The following HABP4 variants were observed in gnomAD, a reference collection of about 807,000 sequenced individuals.
The protein encoded by HABP4 is hyaluronan binding protein 4.
In HABP4, 32 loss-of-function variants were observed where a neutral mutation model predicts 44.1. That is an observed-to-expected ratio of 0.73 (90% CI 0.55 to 0.97). HABP4 has a LOEUF of 0.97. Ranked by LOEUF, HABP4 falls within the 50% of genes least tolerant of loss-of-function variation. HABP4 has a pLI of 0.00. For missense variants in HABP4, 503 were observed against 561.9 expected (o/e 0.90, Z 1.06); for synonymous variants, 216 against 218.0 (o/e 0.99, Z 0.08).
chr9:96,457,863 C>T (rs1832422294), intron 1 of HABP4, among the ~76,000 whole-genome samples: 1 of 152,076 alleles, frequency 6.6e-6, no homozygotes, highest in Non-Finnish European at 1.5e-5. Flanking sequence ...CAGAGCAAGA[C>T]TCTGTCTCAA....
intron 1 of HABP4, among the ~76,000 whole-genome samples, chr9:96,456,041 C>T (rs573327677): frequency 3.3e-5 from 5 of 151,896 alleles, no homozygotes; most frequent in Non-Finnish European, 4.4e-5. Context: ...GGTGACAGAG[C>T]GAGACTCTGT....
chr9:96,452,922 T>TG (rs1469428075), intron 1 of HABP4, among the ~76,000 whole-genome samples: 2 of 143,466 alleles, frequency 1.4e-5, no homozygotes, highest in South Asian at 2.2e-4. Flanking sequence ...TTTTTTTTTT[T>TG]TTTTTTTTTT....
chr9:96,481,906 T>C (rs1832885982), intron 5 of HABP4, among the ~76,000 whole-genome samples: 1 of 152,068 alleles, frequency 6.6e-6, no homozygotes, highest in Non-Finnish European at 1.5e-5. Context: ...ATTCATATTG[T>C]GTGTAACCAT....
In HABP4 at chr9:96,488,002, C is replaced by A; in HGVS notation, c.1000-87C>A. 2 of 905,738 alleles carry A rather than the reference C, an allele frequency of 2.2e-6. No homozygotes were observed. The highest frequency in any genetic ancestry group is 3.6e-6 in the Non-Finnish European group (2 of 554,922). The allele number at this position is 905,738 out of a possible 1,614,324, so 56.1% of individuals were successfully genotyped here. On this transcript the variant is annotated intron_variant, in intron 6 of 7. Coordinates refer to ENST00000375249, the MANE Select transcript of HABP4 (RefSeq NM_014282.4). This position sits in a 1 kb window ranked among gnomAD's most constrained non-coding sequence, Gnocchi z 4.6. ...CTAGCCCCTGATGGTGTTTTAGCTCCTGTGTAGCACACTGCAGCCACTAAG... is the reference window on the plus strand; with the variant it reads ...CTAGCCCCTGATGGTGTTTTAGCTCATGTGTAGCACACTGCAGCCACTAAG...
chr9:96,474,883 C>T (rs1328352349), intron 5 of HABP4, among the ~76,000 whole-genome samples: 2 of 152,142 alleles, frequency 1.3e-5, no homozygotes, highest in Admixed American at 6.6e-5. Flanking sequence ...AATGTACTCT[C>T]ACTTATGTTC....
chr9:96,488,761 A>G lies in HABP4; in HGVS notation c.1185+487A>G, dbSNP rs532713643. ...TAGCTCTCAACACAGCACGCTCCTT[A>G]CCCCTGGCCTCTGCCTGCTGGCCTC... On this transcript the variant is annotated intron_variant, in intron 7 of 7. Transcript: ENST00000375249. The surrounding 1 kb of genome is among the most constrained non-coding windows in gnomAD (Gnocchi z 4.6). 6.6e-6 allele frequency among the ~76,000 whole-genome samples: 1 copy of G among 151,808 alleles called. No homozygotes were observed. The highest frequency in any genetic ancestry group is 1.5e-5 in the Non-Finnish European group (1 of 67,966).
intron 4 of HABP4, among the ~76,000 whole-genome samples, chr9:96,468,068 C>A (rs1460157962): frequency 2.0e-5 from 3 of 152,060 alleles, no homozygotes; most frequent in Non-Finnish European, 4.4e-5. Context: ...GTTATAAAGT[C>A]AAAGCTCTTT....
In HABP4 at chr9:96,473,818, G is replaced by A. The variant is rs373359024; in HGVS notation, c.827+2724G>A. ...AACCCCCTTTACTCTTCGCCTATCT[G>A]TCTCTTACTCATCCTTCAGCTGCCA... On this transcript the variant is annotated intron_variant, in intron 5 of 7. Coordinates refer to ENST00000375249, the MANE Select transcript of HABP4 (RefSeq NM_014282.4). Among the ~76,000 whole-genome samples the A allele has an allele frequency of 4.5e-4, 69 of 152,228 alleles. No homozygotes were observed. In the South Asian group the frequency reaches 0.014, roughly 31 times the overall value.
At chr9:96,450,144 G>A, upstream of HABP4, 2 of 900,326 alleles carry the variant, frequency 2.2e-6, no homozygotes, top group Non-Finnish European at 2.8e-6. The surrounding 1 kb of genome is among the most constrained non-coding windows in gnomAD (Gnocchi z 4.8). Context: ...CGCGGGGGCG[G>A]GCGCCGGTAG....
At chr9:96,479,998 C>G (rs943869809) in intron 5 of HABP4, among the ~76,000 whole-genome samples, 10 of 151,860 alleles carry the variant, frequency 6.6e-5, no homozygotes, top group Non-Finnish European at 1.3e-4. Context: ...GACCCTCCCC[C>G]ACCCAGTCTC....
In HABP4 at chr9:96,464,051, C is replaced by T. The variant is rs555132473; in HGVS notation, c.513-1286C>T. On this transcript the variant is annotated intron_variant, in intron 2 of 7. Coordinates refer to ENST00000375249, the MANE Select transcript of HABP4 (RefSeq NM_014282.4). ...CAGAAAGAGTGCTGGTGCCCAGCGACGGTGCAGGGAGGAGTGGGTGGGCAA... is the reference window on the plus strand; with the variant it reads ...CAGAAAGAGTGCTGGTGCCCAGCGATGGTGCAGGGAGGAGTGGGTGGGCAA... Among the ~76,000 whole-genome samples the T allele has an allele frequency of 5.9e-5, 9 of 152,216 alleles. No homozygotes were observed. In the East Asian group the frequency reaches 1.3e-3, roughly 23 times the overall value.
chr9:96,465,859 C>T, intron 4 of HABP4, 81 bp downstream of exon 4: 2 of 795,038 alleles, frequency 2.5e-6, no homozygotes, highest in South Asian at 1.4e-5. Flanking sequence ...AAAATGATGT[C>T]TTCTGTATTG....
chr9:96,486,783 G>C (rs1019273713), intron 6 of HABP4, among the ~76,000 whole-genome samples: 1 of 152,030 alleles, frequency 6.6e-6, no homozygotes, highest in Non-Finnish European at 1.5e-5. Context: ...TAACAACCTC[G>C]CGTAAGGCAC....
intron 3 of HABP4, 23 bp from the exon 4 acceptor site, chr9:96,465,687 G>T (rs199545407): frequency 7.0e-5 from 106 of 1,525,092 alleles, no homozygotes; most frequent in Admixed American, 8.4e-5. Context: ...TCTGGTTTAA[G>T]GGACTATTCT....
chr9:96,487,725 A>G (rs1398238743), intron 6 of HABP4, among the ~76,000 whole-genome samples: 1 of 152,258 alleles, frequency 6.6e-6, no homozygotes, highest in South Asian at 2.1e-4. Context: ...ACACTTAGAT[A>G]TAAAACATGT....
chr9:96,450,409 G>C lies in HABP4; in HGVS notation c.130G>C (p.Glu44Gln). ...DESDPFDILR[E>Q]AERRRQQQLQ... ...GTCGGACCCGTTCGACATCCTGCGCGAGGCCGAGCGCCGGCGCCAGCAGCA... is the reference window on the plus strand; with the variant it reads ...GTCGGACCCGTTCGACATCCTGCGCCAGGCCGAGCGCCGGCGCCAGCAGCA... The change falls in exon 1 of 8, where the codon GAG becomes CAG. Residue 44 changes from glutamate to glutamine, a missense_variant. This residue lies in a region of HABP4 where 290 missense variants were observed against 300.5 expected (regional missense o/e 0.97). Coordinates refer to ENST00000375249, the MANE Select transcript of HABP4 (RefSeq NM_014282.4). The surrounding 1 kb of genome is among the most constrained non-coding windows in gnomAD (Gnocchi z 4.8). 2.0e-6 allele frequency: 2 copies of C among 1,023,876 alleles called. No homozygotes were observed. Among genetic ancestry groups the C allele is most frequent in the Non-Finnish European group, 2.6e-6 (2 of 779,818 alleles). The allele number at this position is 1,023,876 out of a possible 1,614,324, so 63.4% of individuals were successfully genotyped here. A position where few individuals can be genotyped will look rare whatever the true frequency, so the allele number is the denominator to read the frequency against.
intron 2 of HABP4, among the ~76,000 whole-genome samples, chr9:96,462,450 TA>T (rs779788111): frequency 1.6e-3 from 230 of 142,358 alleles, no homozygotes; most frequent in Middle Eastern, 3.7e-3. Context: ...ACTCTGTCTC[TA>T]AAAAAAAAAA....
rs988293354 is a variant in HABP4 at position 96,450,480 on chromosome 9, C to G, written c.201C>G (p.Ala67=). Residue 67 remains alanine, a synonymous_variant, in exon 1 of 8, where the codon GCC becomes GCG. Coordinates refer to ENST00000375249, the MANE Select transcript of HABP4 (RefSeq NM_014282.4). This position sits in a 1 kb window ranked among gnomAD's most constrained non-coding sequence, Gnocchi z 4.8. ...ACGAGGCGGCGGCGGCGGCCGGGGC[C>G]GGTCCCCGCGGCGGCAGGAGCCCAG... ...RRDEAAAAAG[A]GPRGGRSPAG... 8 of 1,213,428 alleles carry G rather than the reference C, an allele frequency of 6.6e-6. No individual in the cohort carries two copies. The highest frequency in any genetic ancestry group is 7.2e-6 in the Non-Finnish European group (7 of 974,902). The allele number at this position is 1,213,428 out of a possible 1,614,324, so 75.2% of individuals were successfully genotyped here. A position where few individuals can be genotyped will look rare whatever the true frequency, so the allele number is the denominator to read the frequency against.
chr9:96,476,480 A>G (rs1053587071), intron 5 of HABP4, among the ~76,000 whole-genome samples: 6 of 152,242 alleles, frequency 3.9e-5, no homozygotes, highest in African/African-American at 1.2e-4. Context: ...CCTTATATCC[A>G]TAAGTCATTT....
Sources: allele counts gnomAD v4.1 joint callset (sites outside exome capture counted in the v4.1 genomes callset), GRCh38; gene constraint gnomAD v4.1.1; regional missense constraint gnomAD v4.1.1; non-coding constraint Gnocchi (gnomAD v3.1); transcripts MANE v1.5; gene names NCBI Gene and HGNC (gene_info 2026-07-23, HGNC 2026-07-21).